ZNF317: variants seen among roughly 807,000 people sequenced by gnomAD.
ZNF317 encodes the protein KRAB-containing zinc finger protein 317.
Under a neutral mutation model 23.4 loss-of-function variants are expected in ZNF317, and 17 were observed. The ratio of observed to expected loss-of-function variants is 0.73; its 90% CI spans 0.50 to 1.09. The LOEUF (loss-of-function observed/expected upper bound fraction) is 1.09. Ranked by LOEUF, ZNF317 falls within the 50% of genes least tolerant of loss-of-function variation. The probability of loss-of-function intolerance (pLI) is 0.00; values close to 1 mark genes in which losing one functional copy is unlikely to be tolerated. For synonymous variants in ZNF317, 317 were observed against 314.9 expected (o/e 1.01, Z -0.07); for missense variants, 679 against 796.7 (o/e 0.85, Z 1.78).
At chr19:9,145,899 T>C (rs2050678584) in intron 1 of ZNF317, among the ~76,000 whole-genome samples, 1 of 152,172 alleles carries the variant, frequency 6.6e-6, no homozygotes, top group Non-Finnish European at 1.5e-5. Context: ...CCAAAGAGAA[T>C]TGAACTGAGA....
At chr19:9,156,906 G>C (rs929453530) in intron 3 of ZNF317, 158 bp downstream of exon 3, 5 of 853,824 alleles carry the variant, frequency 5.9e-6, no homozygotes, top group Non-Finnish European at 8.8e-6. Flanking sequence ...CCTGGTGTTG[G>C]GGAAGTTAGG....
chr19:9,157,029 T>C (rs1010655702), intron 3 of ZNF317: 1 of 634,598 alleles, frequency 1.6e-6, no homozygotes, highest in African/African-American at 1.8e-5. Context: ...GGGCTAGAAC[T>C]GGAGGGAGAT....
chr19:9,157,821 C>G (rs1400684958), intron 4 of ZNF317, 159 bp from the exon 5 acceptor site: 1 of 1,377,082 alleles, frequency 7.3e-7, no homozygotes, highest in Non-Finnish European at 9.4e-7. Context: ...AAAACTTTTA[C>G]TGTGTTCCTT....
chr19:9,155,853 C>CA, intron 1 of ZNF317, 72 bp from the exon 2 acceptor site: 2 of 816,178 alleles, frequency 2.5e-6, no homozygotes, highest in Admixed American at 2.5e-5. Flanking sequence ...AAACAAAACT[C>CA]AGAGTTTTCT....
chr19:9,156,107 G>T (rs2050779577), intron 2 of ZNF317, 66 bp downstream of exon 2: 1 of 1,591,382 alleles, frequency 6.3e-7, no homozygotes, highest in Non-Finnish European at 8.6e-7. Context: ...ACTTGATGGG[G>T]TGAAAGATAC....
chr19:9,159,189 A>G (rs978654129), intron 6 of ZNF317, among the ~76,000 whole-genome samples: 1 of 152,094 alleles, frequency 6.6e-6, no homozygotes, highest in African/African-American at 2.4e-5. Context: ...TATGCTGTAC[A>G]CTTACTTATC....
chr19:9,159,523 G>A (rs1027273904), intron 6 of ZNF317, among the ~76,000 whole-genome samples: 1 of 147,840 alleles, frequency 6.8e-6, no homozygotes, highest in Non-Finnish European at 1.5e-5. Context: ...GTTTTTGTTT[G>A]TTTGTTTTTG....
At chr19:9,141,341 A>C (rs1365916886) in intron 1 of ZNF317, among the ~76,000 whole-genome samples, 4 of 152,210 alleles carry the variant, frequency 2.6e-5, no homozygotes, top group Admixed American at 2.6e-4. Flanking sequence ...AAACCAGGCC[A>C]AGAAAGAGAT....
At chr19:9,141,892 G>C (rs1228161798) in intron 1 of ZNF317, among the ~76,000 whole-genome samples, 1 of 152,064 alleles carries the variant, frequency 6.6e-6, no homozygotes, top group East Asian at 1.9e-4. Flanking sequence ...TGCAACCTCT[G>C]TCTCCCTGGT....
At chr19:9,150,255 A>G (rs1203118237) in intron 1 of ZNF317, among the ~76,000 whole-genome samples, 2 of 152,234 alleles carry the variant, frequency 1.3e-5, no homozygotes, top group African/African-American at 4.8e-5. Flanking sequence ...AATTCTGTTA[A>G]GTAATTGTGA....
chr19:9,160,666 A>G lies in ZNF317; in HGVS notation c.1021A>G (p.Lys341Glu). 6.2e-7 allele frequency: 1 copy of G among 1,614,160 alleles called. No individual in the cohort carries two copies. Among genetic ancestry groups the G allele is most frequent in the Non-Finnish European group, 8.5e-7 (1 of 1,180,032 alleles). The change falls in exon 7 of 7, where the codon AAA becomes GAA. Residue 341 changes from lysine (K) to glutamate (E), a missense_variant. Physicochemically the swap from Lys to Glu is moderately conservative, Grantham distance 56 (BLOSUM62 1). Coordinates refer to ENST00000247956, the MANE Select transcript of ZNF317 (RefSeq NM_020933.5). This position sits in a 1 kb window ranked among gnomAD's most constrained non-coding sequence, Gnocchi z 6.8. ...ERPYECHDCG[K>E]AFQHPSHLKE... ...GCCCTACGAGTGTCACGACTGTGGG[A>G]AAGCTTTCCAGCACCCCTCCCACCT... is the stretch of plus-strand genomic sequence containing the variant.
intron 1 of ZNF317, 23 bp downstream of exon 1, chr19:9,140,615 C>T (rs1205702112): frequency 4.4e-6 from 2 of 455,834 alleles, no homozygotes; most frequent in South Asian, 1.6e-5. Context: ...TTCCTTAACC[C>T]TTCTCCCCCT....
intron 5 of ZNF317, among the ~76,000 whole-genome samples, chr19:9,158,558 C>T (rs1224705628): frequency 1.3e-5 from 2 of 151,512 alleles, no homozygotes; most frequent in African/African-American, 2.4e-5. Context: ...AGGCTGGTCT[C>T]GAACACCTGA....
At position 9,160,656 on chromosome 19, in the gene ZNF317, C is replaced by G. The variant is rs143989233; in HGVS notation, c.1011C>G (p.His337Gln). 9 of 1,613,972 alleles carry G rather than the reference C, an allele frequency of 5.6e-6. No homozygotes were observed. The highest frequency in any genetic ancestry group is 2.2e-5 in the East Asian group (1 of 44,864). ...THTGERPYEC[H>Q]DCGKAFQHPS... Reference sequence around the variant, plus strand: ...CCGGAGAGAGGCCCTACGAGTGTCACGACTGTGGGAAAGCTTTCCAGCACC... The same window carrying G: ...CCGGAGAGAGGCCCTACGAGTGTCAGGACTGTGGGAAAGCTTTCCAGCACC... Residue 337 changes from histidine (H) to glutamine (Q), a missense_variant, in exon 7 of 7, where the codon CAC becomes CAG. Transcript: ENST00000247956. The surrounding 1 kb of genome is among the most constrained non-coding windows in gnomAD (Gnocchi z 6.8).
At chr19:9,152,707 A>G (rs1204391218) in intron 1 of ZNF317, among the ~76,000 whole-genome samples, 1 of 152,188 alleles carries the variant, frequency 6.6e-6, no homozygotes, top group Non-Finnish European at 1.5e-5. Context: ...TTATTTTACC[A>G]TATATTACAA....
chr19:9,156,431 A>G (rs922583342), intron 2 of ZNF317, among the ~76,000 whole-genome samples, 181 bp from the exon 3 acceptor site: 1 of 152,152 alleles, frequency 6.6e-6, no homozygotes, highest in Admixed American at 6.5e-5. Flanking sequence ...TTTTGGTGGA[A>G]CAGGGCTGCT....
chr19:9,156,144 G>A, intron 2 of ZNF317, 103 bp downstream of exon 2: 1 of 1,455,592 alleles, frequency 6.9e-7, no homozygotes, highest in Non-Finnish European at 9.6e-7. Context: ...TGCTGGGAGA[G>A]GATGGGCAAG....
chr19:9,154,539 T>C (rs1344514868), intron 1 of ZNF317, among the ~76,000 whole-genome samples: 2 of 152,198 alleles, frequency 1.3e-5, no homozygotes, highest in African/African-American at 4.8e-5. Context: ...TTTCTCCATG[T>C]AGTGTGTCTG....
intron 3 of ZNF317, 160 bp downstream of exon 3, chr19:9,156,908 G>C: frequency 2.3e-6 from 2 of 859,006 alleles, no homozygotes; most frequent in South Asian, 3.7e-5. Context: ...TGGTGTTGGG[G>C]AAGTTAGGGG....
Sources: gnomAD v4.1 joint callset for allele counts (sites outside exome capture counted in the v4.1 genomes callset) on GRCh38, gnomAD v4.1.1 for gene constraint, Gnocchi (gnomAD v3.1) non-coding constraint, MANE v1.5 for transcripts, NCBI Gene and HGNC (gene_info 2026-07-23, HGNC 2026-07-21) for gene names.